The following PHACTR3 variants were observed in gnomAD, a reference collection of about 807,000 sequenced individuals.
PHACTR3 encodes the protein phosphatase and actin regulator 3.
PHACTR3 carries 16 observed loss-of-function variants against 66.8 expected under a neutral mutation model. That is an observed-to-expected ratio of 0.24 (90% CI 0.16 to 0.36). The LOEUF (loss-of-function observed/expected upper bound fraction) is 0.36. Ranked by LOEUF, PHACTR3 falls within the 10% of genes least tolerant of loss-of-function variation. PHACTR3 has a pLI of 1.00. For missense variants in PHACTR3, 647 were observed against 719.9 expected, an observed-to-expected ratio of 0.90 and a Z score of 1.16; for synonymous variants, 323 against 292.1, an observed-to-expected ratio of 1.11 and a Z score of -1.08.
chr20:59,686,668 ATGG>A (rs1568711317), intron 1 of PHACTR3, among the ~76,000 whole-genome samples: 1 of 140,530 alleles, frequency 7.1e-6, no homozygotes, highest in Non-Finnish European at 1.5e-5. Context: ...GGTGATGATG[ATGG>A]TGATGATGAT....
chr20:59,683,985 T>G (rs2036762713), intron 1 of PHACTR3, among the ~76,000 whole-genome samples: 1 of 152,190 alleles, frequency 6.6e-6, no homozygotes. Context: ...AACTGCAATT[T>G]GCAAGAACGC....
chr20:59,842,831 C>A (rs1307461277), intron 11 of PHACTR3, among the ~76,000 whole-genome samples: 5 of 152,098 alleles, frequency 3.3e-5, no homozygotes, highest in Non-Finnish European at 7.4e-5. Flanking sequence ...CTTCCCACTA[C>A]AGTTCAGCAA....
chr20:59,610,284 C>A (rs890930143), intron 1 of PHACTR3, among the ~76,000 whole-genome samples: 2 of 152,204 alleles, frequency 1.3e-5, no homozygotes, highest in Non-Finnish European at 2.9e-5. Context: ...TTCTCTGCCC[C>A]CTTCTCACCC....
intron 3 of PHACTR3, among the ~76,000 whole-genome samples, chr20:59,751,209 G>C (rs1413261176): frequency 6.8e-6 from 1 of 146,786 alleles, no homozygotes; most frequent in African/African-American, 2.7e-5. Context: ...CGGCTTCAGG[G>C]TTAAGGAACC....
chr20:59,752,047 T>A (rs2039612892), intron 3 of PHACTR3, among the ~76,000 whole-genome samples: 1 of 152,196 alleles, frequency 6.6e-6, no homozygotes, highest in Admixed American at 6.5e-5. Context: ...TCATTGGGTA[T>A]AAAAGAAGAG....
intron 1 of PHACTR3, among the ~76,000 whole-genome samples, chr20:59,638,287 A>G (rs2034964776): frequency 6.6e-6 from 1 of 152,216 alleles, no homozygotes; most frequent in South Asian, 2.1e-4. Flanking sequence ...GGACAGGGAC[A>G]GTATCCAGTT....
intron 7 of PHACTR3, among the ~76,000 whole-genome samples, chr20:59,792,091 A>T (rs937397577): frequency 2.6e-5 from 4 of 151,992 alleles, no homozygotes; most frequent in Non-Finnish European, 4.4e-5. Context: ...AGAGCCAGGC[A>T]CCTCTCTTCA....
Position 59,755,251 on chromosome 20 carries a change from AGTC to A in PHACTR3, c.430_432del (p.Ser144del), listed in dbSNP as rs1464599179. The A allele has an allele frequency of 1.2e-6, 2 of 1,613,890 alleles. No homozygotes were observed. The highest frequency in any genetic ancestry group is 1.7e-6 in the Non-Finnish European group (2 of 1,180,050). On this transcript the variant is annotated inframe_deletion, in exon 4 of 13. Coordinates refer to ENST00000371015, the MANE Select transcript of PHACTR3 (RefSeq NM_080672.5). ...GTACAGAGTGAACCACCCACTCCCA[AGTC>A]GGAGACGCTGACTTCAGAAGATGCC... is the stretch of plus-strand genomic sequence containing the variant.
At chr20:59,658,953 C>CTTTTTTTTTTT in intron 1 of PHACTR3, among the ~76,000 whole-genome samples, 1 of 131,262 alleles carries the variant, frequency 7.6e-6, no homozygotes, top group Non-Finnish European at 1.7e-5. Flanking sequence ...GCTTACTTGT[C>CTTTTTTTTTTT]TTTTTTTTTT....
At chr20:59,735,156 C>G (rs189482220) in intron 1 of PHACTR3, among the ~76,000 whole-genome samples, 1 of 152,236 alleles carries the variant, frequency 6.6e-6, no homozygotes, top group African/African-American at 2.4e-5. Flanking sequence ...TTATTTGCTT[C>G]TATTGTGGCT....
chr20:59,604,905 T>TTG lies in PHACTR3; in HGVS notation c.-110_-109insTG. The TTG allele has an allele frequency of 8.9e-7, 1 of 1,120,382 alleles. No homozygotes were observed. Among genetic ancestry groups the TTG allele is most frequent in the African/African-American group, 1.7e-5 (1 of 60,594 alleles). The allele number at this position is 1,120,382 out of a possible 1,614,324, so 69.4% of individuals were successfully genotyped here. On this transcript the variant is annotated 5_prime_UTR_variant, in exon 1 of 13. Transcript: ENST00000371015. ...TTTTTTTTTTTTTTTTTTTTAATTT[T>TTG]CTTTTTTAAAAAGACGCCCCCTCCA...
intron 1 of PHACTR3, among the ~76,000 whole-genome samples, chr20:59,721,599 G>A (rs2038303283): frequency 1.3e-5 from 2 of 152,204 alleles, no homozygotes; most frequent in African/African-American, 4.8e-5. Context: ...AGAAGGCAAA[G>A]TGCGTGTAAA....
chr20:59,586,318 C>T (rs921131140), intron 1 of PHACTR3, among the ~76,000 whole-genome samples: 2 of 152,212 alleles, frequency 1.3e-5, no homozygotes, highest in African/African-American at 4.8e-5. Flanking sequence ...TCTCCACTTA[C>T]GAGTGTCCGA....
At chr20:59,710,402 T>A (rs1431551906) in intron 1 of PHACTR3, among the ~76,000 whole-genome samples, 2 of 152,134 alleles carry the variant, frequency 1.3e-5, no homozygotes, top group African/African-American at 2.4e-5. Context: ...TTTTTGAAGC[T>A]TGTTTTGTTT....
intron 4 of PHACTR3, among the ~76,000 whole-genome samples, chr20:59,762,004 A>G (rs2040007596): frequency 6.6e-6 from 1 of 152,250 alleles, no homozygotes; most frequent in African/African-American, 2.4e-5. Flanking sequence ...TTTTGACAAG[A>G]TTCCAAAATA....
At chr20:59,688,137 C>T (rs1334713719) in intron 1 of PHACTR3, among the ~76,000 whole-genome samples, 5 of 152,120 alleles carry the variant, frequency 3.3e-5, no homozygotes, top group Non-Finnish European at 1.5e-5. Flanking sequence ...TTCTGATTTT[C>T]CTATTAGAGC....
intron 7 of PHACTR3, among the ~76,000 whole-genome samples, chr20:59,781,527 T>C (rs1412073072): frequency 6.6e-6 from 1 of 152,148 alleles, no homozygotes; most frequent in Non-Finnish European, 1.5e-5. Flanking sequence ...GAGACAACGC[T>C]CATGGAGGGC....
At chr20:59,639,287 A>G in intron 1 of PHACTR3, among the ~76,000 whole-genome samples, 1 of 152,106 alleles carries the variant, frequency 6.6e-6, no homozygotes. Flanking sequence ...TGAGGGGGGA[A>G]TTATCTGCAC....
intron 1 of PHACTR3, among the ~76,000 whole-genome samples, chr20:59,679,885 C>T (rs189526835): frequency 2.6e-4 from 40 of 152,282 alleles, no homozygotes; most frequent in African/African-American, 7.0e-4. Flanking sequence ...TCCCGCAACA[C>T]GTGGAAACTA....
Sources: allele counts gnomAD v4.1 joint callset (sites outside exome capture counted in the v4.1 genomes callset), GRCh38; gene constraint gnomAD v4.1.1; transcripts MANE v1.5; gene names NCBI Gene and HGNC (gene_info 2026-07-23, HGNC 2026-07-21).